Variants in USP16 observed in about 807,000 individuals in gnomAD.
The protein encoded by USP16 is ubiquitin specific peptidase 16, also known as ubiquitin carboxyl-terminal hydrolase 16.
Under a neutral mutation model 95.9 loss-of-function variants are expected in USP16, and 77 were observed. The observed-to-expected ratio is 0.80, with a 90% CI of 0.67 to 0.97. USP16 has a LOEUF of 0.97. USP16 is among the 50% of genes least tolerant of loss of function. The probability of loss-of-function intolerance (pLI) is 0.00; values close to 1 mark genes in which losing one functional copy is unlikely to be tolerated. For missense variants in USP16, 943 were observed against 959.9 expected (o/e 0.98, Z 0.23); for synonymous variants, 303 against 318.2 (o/e 0.95, Z 0.51).
At position 29,039,531 on chromosome 21, in the gene USP16, G is replaced by A. The variant is rs537793903; in HGVS notation, c.914G>A (p.Arg305His). Residue 305 changes from arginine (R) to histidine (H), a missense_variant, in exon 9 of 18, where the codon CGC (arginine) becomes CAC (histidine). Coordinates refer to ENST00000399976, the MANE Select transcript of USP16 (RefSeq NM_006447.3). ...CAGCAAGACAGCCAGGAGCTGCTTC[G>A]CTACTTATTGGATGGGATGAGAGCA... Reference protein sequence around the residue: ...YQQQDSQELLRYLLDGMRAEE... With the variant: ...YQQQDSQELLHYLLDGMRAEE... 110 of 1,613,188 alleles carry A rather than the reference G, an allele frequency of 6.8e-5. 1 individual carries two copies. In the Admixed American group the frequency reaches 1.5e-3, roughly 22 times the overall value.
chr21:29,050,176 A>G lies in USP16; in HGVS notation c.2191A>G (p.Lys731Glu), dbSNP rs1198092336. ...DLAPFCTLKC[K>E]NVAEENTRVL... Reference sequence around the variant, plus strand: ...GGCTCCTTTTTGCACCCTTAAATGTAAGGTAAGTCAAAGTGGTCTTTTTCA... The same window carrying G: ...GGCTCCTTTTTGCACCCTTAAATGTGAGGTAAGTCAAAGTGGTCTTTTTCA... The change falls in exon 16 of 18, where the codon AAG becomes GAG. Residue 731 changes from lysine to glutamate, a missense_variant and splice_region_variant. Transcript: ENST00000399976. The G allele has an allele frequency of 4.3e-6, 7 of 1,612,500 alleles. No homozygotes were observed. In the South Asian group the frequency reaches 7.7e-5, roughly 18 times the overall value.
chr21:29,024,747 GGGGATGC>G lies in USP16; in HGVS notation c.-71_-65del. On this transcript the variant is annotated 5_prime_UTR_variant, in exon 1 of 18. The change abolishes an upstream ATG in the 5' untranslated region. Transcript: ENST00000399976. ...GGCTGCCCAGCCCAAAGGCCCATGA[GGGGATGC>G]AGTTATGGGCTCTGTCGCCGTGGGT... is the stretch of plus-strand genomic sequence containing the variant. 3.1e-6 allele frequency: 4 copies of G among 1,289,288 alleles called. No homozygotes were observed. Among genetic ancestry groups the G allele is most frequent in the Non-Finnish European group, 4.0e-6 (4 of 988,854 alleles). 79.9% of individuals were successfully genotyped at this position (1,289,288 alleles called of 1,614,324 possible). A position where few individuals can be genotyped will look rare whatever the true frequency, so the allele number is the denominator to read the frequency against.
At position 29,042,221 on chromosome 21, in the gene USP16, G is replaced by A. The variant is rs560509383; in HGVS notation, c.1122+117G>A. The A allele has an allele frequency of 1.0e-5, 10 of 964,512 alleles. No homozygotes were observed. In the African/African-American group the frequency reaches 1.2e-4, roughly 11 times the overall value. 59.7% of individuals were successfully genotyped at this position (964,512 alleles called of 1,614,324 possible). On this transcript the variant is annotated intron_variant, in intron 11 of 17. Coordinates refer to ENST00000399976, the MANE Select transcript of USP16 (RefSeq NM_006447.3). ...GGATATCTTTTTAAACTATTCAGAT[G>A]CTATTCAGATGTGCATGGTTCTTTG... is the stretch of plus-strand genomic sequence containing the variant.
Position 29,054,213 on chromosome 21 carries a change from AAC to A in USP16, c.*30_*31del. The A allele has an allele frequency of 6.2e-7, 1 of 1,602,302 alleles. No homozygotes were observed. The highest frequency in any genetic ancestry group is 2.2e-5 in the East Asian group (1 of 44,656). On this transcript the variant is annotated 3_prime_UTR_variant, in exon 18 of 18. Coordinates refer to ENST00000399976, the MANE Select transcript of USP16 (RefSeq NM_006447.3). ...TAATATCAAAAGCACTTTTTCTGGA[AAC>A]ACATTTATGGCTTTTATAATGGCTG...
intron 14 of USP16, among the ~76,000 whole-genome samples, chr21:29,048,150 T>A (rs926826088): frequency 2.7e-5 from 4 of 150,432 alleles, no homozygotes; most frequent in Non-Finnish European, 5.9e-5. Flanking sequence ...GTGGCCAATT[T>A]CAGCTCACTG....
At chr21:29,043,278 T>A in intron 12 of USP16, 145 bp from the exon 13 acceptor site, 1 of 561,054 alleles carries the variant, frequency 1.8e-6, no homozygotes, top group Non-Finnish European at 2.7e-6. Flanking sequence ...GATAAACGAA[T>A]TTTGTCTCAT....
At chr21:29,030,563 A>G in intron 2 of USP16, 32 bp from the exon 3 acceptor site, 9 of 1,524,746 alleles carry the variant, frequency 5.9e-6, no homozygotes, top group Non-Finnish European at 7.0e-6. Context: ...TTTTGACCTT[A>G]TATATTCCTT....
chr21:29,029,078 A>G (rs776337638), intron 2 of USP16, among the ~76,000 whole-genome samples: 3 of 152,214 alleles, frequency 2.0e-5, no homozygotes, highest in African/African-American at 4.8e-5. Flanking sequence ...GGCACTGGTT[A>G]GTATCATCTG....
At position 29,046,698 on chromosome 21, in the gene USP16, A is replaced by C. The variant is rs770439973; in HGVS notation, c.1388A>C (p.Lys463Thr). The C allele has an allele frequency of 6.2e-7, 1 of 1,607,394 alleles. No homozygotes were observed. The highest frequency in any genetic ancestry group is 1.7e-5 in the Admixed American group (1 of 58,796). The change falls in exon 14 of 18, where the codon AAA becomes ACA. Residue 463 changes from lysine (K) to threonine (T), a missense_variant. Lys to Thr is a moderately conservative substitution (Grantham distance 78). Coordinates refer to ENST00000399976, the MANE Select transcript of USP16 (RefSeq NM_006447.3). ...NQRRQQKIQG[K>T]VLHLNDICTI... ...CGAAGACAACAAAAAATTCAAGGAA[A>C]AGTTCTTCATTTAAATGATATTTGT...
rs1271106790 is a variant in USP16 at position 29,027,928 on chromosome 21, G to A, written c.15G>A (p.Arg5=). 3 of 1,613,480 alleles carry A rather than the reference G, an allele frequency of 1.9e-6. No individual in the cohort carries two copies. Among genetic ancestry groups the A allele is most frequent in the Non-Finnish European group, 2.5e-6 (3 of 1,179,736 alleles). Residue 5 remains arginine (R), a synonymous_variant, in exon 2 of 18, where the codon CGG becomes CGA. Coordinates refer to ENST00000399976, the MANE Select transcript of USP16 (RefSeq NM_006447.3). ...AAAGTGCCAACATGGGAAAGAAACG[G>A]ACAAAGGGAAAAACTGTTCCAATCG... MGKK[R]TKGKTVPIDD... is the part of the protein sequence containing the mutation.
intron 10 of USP16, among the ~76,000 whole-genome samples, chr21:29,041,114 A>G (rs748865024): frequency 2.4e-4 from 36 of 152,174 alleles, no homozygotes; most frequent in Admixed American, 4.6e-4. Context: ...TATAGAAGCA[A>G]CTAGGCACGT....
chr21:29,029,424 A>G (rs2085046138), intron 2 of USP16, among the ~76,000 whole-genome samples: 1 of 152,220 alleles, frequency 6.6e-6, no homozygotes, highest in Non-Finnish European at 1.5e-5. Flanking sequence ...AAAAGAAAAA[A>G]GAAAAAAAAG....
At chr21:29,047,812 G>A (rs34927375) in intron 14 of USP16, among the ~76,000 whole-genome samples, 8,888 of 151,472 alleles carry the variant, frequency 0.059, 326 homozygotes, top group Middle Eastern at 0.13. Flanking sequence ...GATGTGGAGG[G>A]GCCATGGATT....
intron 11 of USP16, 69 bp from the exon 12 acceptor site, chr21:29,042,403 C>A: frequency 6.8e-7 from 1 of 1,466,892 alleles, no homozygotes; most frequent in Non-Finnish European, 9.4e-7. Context: ...TCCCACAGGG[C>A]AGGGAGGATC....
rs369751616 is a variant in USP16, at chr21:29,024,793, A to T, written c.-42+16A>T. 4.7e-6 allele frequency: 6 copies of T among 1,273,366 alleles called. No individual in the cohort carries two copies. In the African/African-American group the frequency reaches 9.2e-5, roughly 19 times the overall value. The allele number at this position is 1,273,366 out of a possible 1,614,324, so 78.9% of individuals were successfully genotyped here. A position where few individuals can be genotyped will look rare whatever the true frequency, so the allele number is the denominator to read the frequency against. On this transcript the variant is annotated intron_variant, in intron 1 of 17. Transcript: ENST00000399976. ...GTCGCCGTGGGTGAGTTCTGGTCCC[A>T]CTGCCTGGCAGTCGTCGCTCGCCTG...
In USP16 at chr21:29,053,538, G is replaced by A. The variant is rs182147097; in HGVS notation, c.2194-264G>A. 1.0e-3 allele frequency: 361 copies of A among 352,656 alleles called. 1 individual carries two copies. Among genetic ancestry groups the A allele is most frequent in the Non-Finnish European group, 1.6e-3 (320 of 194,778 alleles). 21.8% of individuals were successfully genotyped at this position (352,656 alleles called of 1,614,324 possible). ...TAAAGAAACTGGCAAGTTGAATTCAGTTATTTGGTATCTGAGCCAGGTAAC... is the reference window on the plus strand; with the variant it reads ...TAAAGAAACTGGCAAGTTGAATTCAATTATTTGGTATCTGAGCCAGGTAAC... On this transcript the variant is annotated intron_variant, in intron 16 of 17. Transcript: ENST00000399976.
chr21:29,026,350 G>A (rs1425724398), intron 1 of USP16, among the ~76,000 whole-genome samples: 1 of 151,806 alleles, frequency 6.6e-6, no homozygotes, highest in East Asian at 1.9e-4. Flanking sequence ...CAGCTATTCG[G>A]GAGGCTGAGG....
At chr21:29,053,774 A>G in intron 16 of USP16, 28 bp from the exon 17 acceptor site, 2 of 1,605,990 alleles carry the variant, frequency 1.2e-6, no homozygotes, top group Non-Finnish European at 1.7e-6. Context: ...AACTAGAACT[A>G]ACTTTTGGAT....
At chr21:29,051,883 C>T (rs946813925) in intron 16 of USP16, among the ~76,000 whole-genome samples, 21 of 151,678 alleles carry the variant, frequency 1.4e-4, no homozygotes, top group Admixed American at 1.2e-3. Flanking sequence ...TGGAAGAGGC[C>T]GCTAAGGACA....
Sources: allele counts gnomAD v4.1 joint callset (sites outside exome capture counted in the v4.1 genomes callset), GRCh38; gene constraint gnomAD v4.1.1; transcripts MANE v1.5; gene names NCBI Gene and HGNC (gene_info 2026-07-23, HGNC 2026-07-21).